The following DDX24 variants were observed in gnomAD, a reference collection of about 807,000 sequenced individuals.
DDX24 encodes the protein ATP-dependent RNA helicase DDX24.
In DDX24, 24 loss-of-function variants were observed where a neutral mutation model predicts 68.9. The ratio of observed to expected loss-of-function variants is 0.35; its 90% CI spans 0.25 to 0.49. The LOEUF (loss-of-function observed/expected upper bound fraction) is 0.49, where lower values mean the gene tolerates loss of function less well. Among genes scored for constraint, DDX24 ranks in the 20% least tolerant of loss-of-function variants. The pLI, the probability that DDX24 is intolerant of heterozygous loss-of-function variation, is 0.99. For missense variants in DDX24, 989 were observed against 1,039.0 expected, an observed-to-expected ratio of 0.95 and a Z score of 0.66; for synonymous variants, 395 against 385.2, an observed-to-expected ratio of 1.03 and a Z score of -0.30.
At chr14:94,073,086 C>CTTTTTTT (rs10716706) in intron 2 of DDX24, among the ~76,000 whole-genome samples, 17 of 125,668 alleles carry the variant, frequency 1.4e-4, no homozygotes, top group African/African-American at 5.1e-4. Context: ...ATTTTCTTTT[C>CTTTTTTT]TTTTTTTTTT....
In DDX24 at chr14:94,079,557, G is replaced by C. The variant is rs747878406; in HGVS notation, c.186C>G (p.Ala62=). 4 of 1,614,000 alleles carry C rather than the reference G, an allele frequency of 2.5e-6. No homozygotes were observed. The highest frequency in any genetic ancestry group is 8.5e-7 in the Non-Finnish European group (1 of 1,180,040). Reference sequence around the variant, plus strand: ...TTGAGAAGAGACTGGAGGGATTCTTGGCAGGGGAGACCAACTGGTAATCTG... The same window carrying C: ...TTGAGAAGAGACTGGAGGGATTCTTCGCAGGGGAGACCAACTGGTAATCTG... ...ELTDYQLVSP[A]KNPSSLFSKE... is the part of the protein sequence containing the mutation. Residue 62 remains alanine (A), a synonymous_variant, in exon 2 of 9, where the codon GCC becomes GCG. Transcript: ENST00000621632.
Position 94,062,119 on chromosome 14 carries a change from A to G in DDX24, c.1221T>C (p.Ile407=), listed in dbSNP as rs1365769222. 6.2e-7 allele frequency: 1 copy of G among 1,612,868 alleles called. No individual in the cohort carries two copies. The highest frequency in any genetic ancestry group is 1.3e-5 in the African/African-American group (1 of 74,940). The part of the protein sequence containing the change: ...RELAVQVKQH[I]DAVARFTGIK... ...CACCTGTAAACCTGGCCACAGCATC[A>G]ATGTGCTGTTTGACCTGGACGGCCA... is the stretch of plus-strand genomic sequence containing the variant. Residue 407 remains isoleucine, a synonymous_variant, in exon 3 of 9, where the codon ATT becomes ATC. Transcript: ENST00000621632.
At chr14:94,067,971 C>T (rs1446307651) in intron 2 of DDX24, among the ~76,000 whole-genome samples, 2 of 152,046 alleles carry the variant, frequency 1.3e-5, no homozygotes, top group African/African-American at 4.8e-5. Context: ...AGTACACAGG[C>T]AACAAAGAGC....
chr14:94,075,630 G>C (rs527895598), intron 2 of DDX24, among the ~76,000 whole-genome samples: 1 of 152,248 alleles, frequency 6.6e-6, no homozygotes, highest in African/African-American at 2.4e-5. Context: ...GGCACCAAAA[G>C]CATAAATTCA....
rs1885345311 is a variant in DDX24, at chr14:94,049,371, A to C, written c.*1820T>G. ...TGCCATTCTCTGATAGCTGTCAGTC[A>C]GGAGCTGACCTCACAGACGGGCAAT... On this transcript the variant is annotated 3_prime_UTR_variant, in exon 9 of 9. Coordinates refer to ENST00000621632, the MANE Select transcript of DDX24 (RefSeq NM_020414.4). 6.6e-6 allele frequency: 1 copy of C among 152,254 alleles called. No individual in the cohort carries two copies. The highest frequency in any genetic ancestry group is 1.5e-5 in the Non-Finnish European group (1 of 68,044). 9.4% of individuals were successfully genotyped at this position (152,254 alleles called of 1,614,324 possible).
At position 94,079,080 on chromosome 14, in the gene DDX24, C is replaced by T; in HGVS notation, c.663G>A (p.Leu221=). 6.2e-7 allele frequency: 1 copy of T among 1,614,154 alleles called. No individual in the cohort carries two copies. Among genetic ancestry groups the T allele is most frequent in the Non-Finnish European group, 8.5e-7 (1 of 1,180,030 alleles). Residue 221 remains leucine, a synonymous_variant, in exon 2 of 9, where the codon CTG becomes CTA. Transcript: ENST00000621632. The part of the protein sequence containing the change: ...GFSAPTPIQA[L]TLAPAIRDKL... ...TGTCACGGATGGCAGGTGCCAAGGT[C>T]AGGGCTTGGATTGGTGTGGGTGCAG...
chr14:94,055,054 T>C lies in DDX24; in HGVS notation c.2120A>G (p.Lys707Arg). Residue 707 changes from lysine (K) to arginine (R), a missense_variant, in exon 7 of 9, where the codon AAG becomes AGG. Physicochemically the swap from Lys to Arg is conservative, Grantham distance 26 (BLOSUM62 2). This residue lies in a region of DDX24 where 691 missense variants were observed against 760.0 expected (regional missense o/e 0.91). Coordinates refer to ENST00000621632, the MANE Select transcript of DDX24 (RefSeq NM_020414.4). Reference protein sequence around the residue: ...INFKKIYKTLKKDEDIPLFPV... With the variant: ...INFKKIYKTLRKDEDIPLFPV... ...GAACAGTGGGATATCCTCATCTTTCTTGAGCGTTTTGTAAATCTTCTTAAA... is the reference window on the plus strand; with the variant it reads ...GAACAGTGGGATATCCTCATCTTTCCTGAGCGTTTTGTAAATCTTCTTAAA... 1 of 1,614,242 alleles carries C rather than the reference T, an allele frequency of 6.2e-7. No individual in the cohort carries two copies.
intron 2 of DDX24, among the ~76,000 whole-genome samples, chr14:94,064,222 G>A (rs1401630917): frequency 6.6e-6 from 1 of 152,222 alleles, no homozygotes; most frequent in Non-Finnish European, 1.5e-5. Context: ...GCATATATAT[G>A]TATTATAGTC....
intron 2 of DDX24, among the ~76,000 whole-genome samples, chr14:94,076,694 AAAAG>A (rs964059707): frequency 2.6e-5 from 4 of 151,870 alleles, no homozygotes; most frequent in Non-Finnish European, 4.4e-5. Flanking sequence ...AAAAAAAAAA[AAAAG>A]AAAGCAAGAA....
At chr14:94,061,469 G>A (rs1014482209) in intron 3 of DDX24, among the ~76,000 whole-genome samples, 1 of 152,180 alleles carries the variant, frequency 6.6e-6, no homozygotes, top group Non-Finnish European at 1.5e-5. Context: ...TATTCTGAAA[G>A]GTCCACTAAT....
intron 7 of DDX24, among the ~76,000 whole-genome samples, chr14:94,054,519 G>C (rs1885455104): frequency 6.6e-6 from 1 of 152,218 alleles, no homozygotes; most frequent in African/African-American, 2.4e-5. Flanking sequence ...CTCTGGGAAG[G>C]AGAACCCACC....
rs148196758 is a variant in DDX24 at position 94,079,555 on chromosome 14, T to C, written c.188A>G (p.Lys63Arg). 24 of 1,614,190 alleles carry C rather than the reference T, an allele frequency of 1.5e-5. No individual in the cohort carries two copies. Among genetic ancestry groups the C allele is most frequent in the Non-Finnish European group, 1.5e-5 (18 of 1,180,042 alleles). ...CTTTGAGAAGAGACTGGAGGGATTC[T>C]TGGCAGGGGAGACCAACTGGTAATC... ...LTDYQLVSPA[K>R]NPSSLFSKEA... The change falls in exon 2 of 9, where the codon AAG becomes AGG. Residue 63 changes from lysine to arginine, a missense_variant. Around this residue, in one of 3 missense-constraint regions of DDX24, gnomAD observed 295 missense variants for 263.0 expected, o/e 1.12. Coordinates refer to ENST00000621632, the MANE Select transcript of DDX24 (RefSeq NM_020414.4).
At position 94,057,903 on chromosome 14, in the gene DDX24, G is replaced by A; in HGVS notation, c.1914-6C>T. 8 of 1,612,152 alleles carry A rather than the reference G, an allele frequency of 5.0e-6. No individual in the cohort carries two copies. The highest frequency in any genetic ancestry group is 5.9e-6 in the Non-Finnish European group (7 of 1,179,422). The stretch of plus-strand genomic sequence containing the variant: ...CTGTTGCCAAGAGAACACAGCTGGG[G>A]TAGAGAGAGAAAGCTTATTAATAAT... On this transcript the variant is annotated splice_region_variant and splice_polypyrimidine_tract_variant and intron_variant, in intron 5 of 8. Coordinates refer to ENST00000621632, the MANE Select transcript of DDX24 (RefSeq NM_020414.4).
At chr14:94,073,086 C>CTTTTTT (rs10716706) in intron 2 of DDX24, among the ~76,000 whole-genome samples, 4 of 125,682 alleles carry the variant, frequency 3.2e-5, no homozygotes, top group African/African-American at 9.1e-5. Flanking sequence ...ATTTTCTTTT[C>CTTTTTT]TTTTTTTTTT....
intron 6 of DDX24, chr14:94,056,070 C>T (rs1885485881): frequency 1.3e-5 from 2 of 152,192 alleles, no homozygotes; most frequent in Admixed American, 6.5e-5. Flanking sequence ...GGATCCAATA[C>T]TTCTTAGGGG....
intron 2 of DDX24, among the ~76,000 whole-genome samples, chr14:94,076,115 A>G (rs1248297750): frequency 6.6e-6 from 1 of 152,202 alleles, no homozygotes; most frequent in Non-Finnish European, 1.5e-5. Flanking sequence ...TATTTATCCA[A>G]TAGAAATTAA....
chr14:94,060,397 A>T lies in DDX24; in HGVS notation c.1614T>A (p.Leu538=). 2 of 1,614,148 alleles carry T rather than the reference A, an allele frequency of 1.2e-6. No homozygotes were observed. The highest frequency in any genetic ancestry group is 1.7e-6 in the Non-Finnish European group (2 of 1,180,026). Residue 538 remains leucine, a synonymous_variant, in exon 5 of 9, where the codon CTT becomes CTA. Transcript: ENST00000621632. The part of the protein sequence containing the change: ...KMDKTAKLDL[L]MQKIGMRGKP... ...TGCCCCTCATGCCAATTTTCTGCAT[A>T]AGGAGGTCAAGTTTGGCTGTTTTAT...
In DDX24 at chr14:94,079,571, A is replaced by C; in HGVS notation, c.172T>G (p.Leu58Val). The change falls in exon 2 of 9, where the codon TTG becomes GTG. Residue 58 changes from leucine to valine, a missense_variant. Leu to Val is a conservative substitution (Grantham distance 32). Transcript: ENST00000621632. ...GAGGGATTCTTGGCAGGGGAGACCA[A>C]CTGGTAATCTGTCAATTCCTCAAAG... ...VCFEELTDYQ[L>V]VSPAKNPSSL... 4 of 1,614,120 alleles carry C rather than the reference A, an allele frequency of 2.5e-6. No homozygotes were observed. Among genetic ancestry groups the C allele is most frequent in the Non-Finnish European group, 3.4e-6 (4 of 1,180,028 alleles).
chr14:94,051,546 A>G, intron 8 of DDX24, 84 bp from the exon 9 acceptor site: 1 of 1,480,412 alleles, frequency 6.8e-7, no homozygotes, highest in African/African-American at 1.4e-5. Context: ...ACAGTGAAAA[A>G]TGTTTTAGAA....
Sources: gnomAD v4.1 joint callset for allele counts (sites outside exome capture counted in the v4.1 genomes callset) on GRCh38, gnomAD v4.1.1 for gene constraint, gnomAD v4.1.1 regional missense constraint, MANE v1.5 for transcripts, NCBI Gene and HGNC (gene_info 2026-07-23, HGNC 2026-07-21) for gene names.